ANKHD1: variants seen among roughly 807,000 people sequenced by gnomAD.
ANKHD1 encodes ankyrin repeat and KH domain containing 1, also known as ankyrin repeat and KH domain-containing protein 1.
Under a neutral mutation model 230.5 loss-of-function variants are expected in ANKHD1, and 31 were observed. That is an observed-to-expected ratio of 0.13 (90% CI 0.10 to 0.18). The LOEUF (loss-of-function observed/expected upper bound fraction) is 0.18, where lower values mean the gene tolerates loss of function less well. ANKHD1 is among the 10% of genes least tolerant of loss of function. The pLI is 1.00. For missense variants in ANKHD1, 2,256 were observed against 3,071.3 expected, an observed-to-expected ratio of 0.73 and a Z score of 6.27; for synonymous variants, 1,074 against 1,117.6, an observed-to-expected ratio of 0.96 and a Z score of 0.78.
intron 5 of ANKHD1, 23 bp downstream of exon 5, chr5:140,441,165 A>C: frequency 6.6e-7 from 1 of 1,507,744 alleles, no homozygotes; most frequent in Non-Finnish European, 8.8e-7. Flanking sequence ...TGATGTATTA[A>C]TTGGGAGAAA....
At chr5:140,498,355 T>A (rs1350251399) in intron 15 of ANKHD1, among the ~76,000 whole-genome samples, 1 of 152,226 alleles carries the variant, frequency 6.6e-6, no homozygotes, top group Non-Finnish European at 1.5e-5. Context: ...TGAATCTTTT[T>A]AAATGTGGAA....
At chr5:140,419,872 TTTC>T (rs1158445028) in intron 1 of ANKHD1, among the ~76,000 whole-genome samples, 4 of 134,806 alleles carry the variant, frequency 3.0e-5, no homozygotes, top group South Asian at 2.7e-4. Context: ...CTTTTCTTTC[TTTC>T]TTCTTCTGTC....
chr5:140,450,323 T>C (rs1774624343), intron 7 of ANKHD1, among the ~76,000 whole-genome samples: 1 of 147,934 alleles, frequency 6.8e-6, no homozygotes, highest in African/African-American at 2.5e-5. Context: ...TGAGACAGAG[T>C]CTTGCTCTGT....
rs1022104706 is a variant in ANKHD1 at position 140,485,510 on chromosome 5, A to G, written c.1999-79A>G. ...TCTATCTTAGTGCTTAGTATTTAAT[A>G]CTGTTTAAATGAGTTTTGATTTTAT... On this transcript the variant is annotated intron_variant, in intron 12 of 33. Coordinates refer to ENST00000360839, the MANE Select transcript of ANKHD1 (RefSeq NM_017747.3). The surrounding 1 kb of genome is among the most constrained non-coding windows in gnomAD (Gnocchi z 4.8). 3 of 1,567,576 alleles carry G rather than the reference A, an allele frequency of 1.9e-6. No homozygotes were observed. In the African/African-American group the frequency reaches 4.1e-5, roughly 22 times the overall value.
At chr5:140,477,055 A>T (rs1344019488) in intron 10 of ANKHD1, among the ~76,000 whole-genome samples, 1 of 152,196 alleles carries the variant, frequency 6.6e-6, no homozygotes, top group Non-Finnish European at 1.5e-5. Context: ...CAGAATCAAA[A>T]TGTAACAAAT....
intron 1 of ANKHD1, among the ~76,000 whole-genome samples, chr5:140,409,548 A>G (rs999773450): frequency 9.8e-6 from 1 of 102,118 alleles, no homozygotes; most frequent in African/African-American, 3.9e-5. Context: ...TTACTGTAAC[A>G]ATTTTTTTTT....
At chr5:140,517,066 A>G (rs1190179085) in intron 24 of ANKHD1, among the ~76,000 whole-genome samples, 1 of 148,368 alleles carries the variant, frequency 6.7e-6, no homozygotes, top group African/African-American at 2.5e-5. Flanking sequence ...AGAGACACAC[A>G]TAGGCTCAAA....
intron 24 of ANKHD1, among the ~76,000 whole-genome samples, chr5:140,523,211 C>T (rs1420821719): frequency 6.7e-6 from 1 of 148,182 alleles, no homozygotes; most frequent in African/African-American, 2.5e-5. Flanking sequence ...CTCCTGGGCA[C>T]ATGCAATCCT....
chr5:140,434,068 T>C (rs1462871185), intron 1 of ANKHD1, among the ~76,000 whole-genome samples: 1 of 152,306 alleles, frequency 6.6e-6, no homozygotes, highest in East Asian at 1.9e-4. Context: ...TTTTGTAAAA[T>C]TATAGTACAT....
chr5:140,526,523 C>T (rs1753612576), intron 26 of ANKHD1, 80 bp downstream of exon 26: 2 of 1,485,214 alleles, frequency 1.3e-6, no homozygotes, highest in Admixed American at 2.4e-5. Flanking sequence ...TATATTAATC[C>T]AAGTACAAGT....
intron 15 of ANKHD1, among the ~76,000 whole-genome samples, chr5:140,504,455 T>TC (rs1458413516): frequency 6.6e-6 from 1 of 152,232 alleles, no homozygotes; most frequent in East Asian, 1.9e-4. Context: ...AAATTTTTTT[T>TC]CCTCCCTGTT....
intron 10 of ANKHD1, among the ~76,000 whole-genome samples, chr5:140,481,293 A>G (rs931365730): frequency 6.6e-6 from 1 of 152,198 alleles, no homozygotes; most frequent in Middle Eastern, 3.4e-3. Context: ...CCAGAATGTT[A>G]GATTTACCTA....
At chr5:140,524,439 C>T (rs1053986811) in intron 25 of ANKHD1, among the ~76,000 whole-genome samples, 199 bp downstream of exon 25, 11 of 152,122 alleles carry the variant, frequency 7.2e-5, no homozygotes, top group African/African-American at 2.7e-4. Context: ...GGAAAACAAG[C>T]GCATAATTTG....
chr5:140,484,544 GTTTTC>G (rs1751423369), intron 11 of ANKHD1, among the ~76,000 whole-genome samples: 1 of 152,002 alleles, frequency 6.6e-6, no homozygotes, highest in African/African-American at 2.4e-5. Flanking sequence ...AAAAAAATCT[GTTTTC>G]TTTACTTTGA....
intron 29 of ANKHD1, among the ~76,000 whole-genome samples, chr5:140,532,658 C>T (rs975345293): frequency 3.3e-5 from 5 of 152,126 alleles, no homozygotes; most frequent in Non-Finnish European, 7.4e-5. Flanking sequence ...GTCATGAATG[C>T]ACAATTCTGT....
At chr5:140,472,426 C>T in intron 10 of ANKHD1, 2 of 1,397,022 alleles carry the variant, frequency 1.4e-6, no homozygotes, top group Non-Finnish European at 1.9e-6. Context: ...AAATCCTCTT[C>T]AATTGAAAAA....
chr5:140,481,312 T>C (rs1048483712), intron 10 of ANKHD1, among the ~76,000 whole-genome samples: 6 of 152,124 alleles, frequency 3.9e-5, no homozygotes, highest in Non-Finnish European at 7.4e-5. Flanking sequence ...TAAATTTGAA[T>C]GTGAGTTCAA....
intron 3 of ANKHD1, 148 bp downstream of exon 3, chr5:140,438,765 T>G: frequency 9.1e-7 from 1 of 1,094,686 alleles, no homozygotes; most frequent in Non-Finnish European, 1.2e-6. Flanking sequence ...TAAATGTATA[T>G]GTATTATGTA....
intron 24 of ANKHD1, among the ~76,000 whole-genome samples, chr5:140,519,786 A>C (rs1753231551): frequency 2.6e-5 from 4 of 152,178 alleles, no homozygotes; most frequent in Admixed American, 2.0e-4. Context: ...TTCAAGATGG[A>C]TTAAAGACTT....
Sources: gnomAD v4.1 joint callset for allele counts (sites outside exome capture counted in the v4.1 genomes callset) on GRCh38, gnomAD v4.1.1 for gene constraint, Gnocchi (gnomAD v3.1) non-coding constraint, MANE v1.5 for transcripts, NCBI Gene and HGNC (gene_info 2026-07-23, HGNC 2026-07-21) for gene names.